Variants in ENTREP2 observed in about 807,000 individuals in gnomAD.
The protein encoded by ENTREP2 is protein ENTREP2.
the ENTREP2 span, among the ~76,000 whole-genome samples, chr15:29,300,631 C>T: frequency 6.6e-6 from 1 of 152,178 alleles, no homozygotes; most frequent in Non-Finnish European, 1.5e-5. Context: ...TGGAGTCTCG[C>T]TCTGTCAGCC....
At chr15:29,558,459 C>T in the ENTREP2 span, among the ~76,000 whole-genome samples, 2 of 151,608 alleles carry the variant, frequency 1.3e-5, no homozygotes, top group Admixed American at 1.3e-4. Flanking sequence ...ACATGCCCGC[C>T]CTCTTCACGA....
At chr15:29,198,958 T>C in the ENTREP2 span, among the ~76,000 whole-genome samples, 1 of 152,268 alleles carries the variant, frequency 6.6e-6, no homozygotes, top group African/African-American at 2.4e-5. Context: ...GTATATTACA[T>C]TGTGTGAATA....
At chr15:29,310,451 G>A in the ENTREP2 span, among the ~76,000 whole-genome samples, 1 of 152,212 alleles carries the variant, frequency 6.6e-6, no homozygotes, top group Non-Finnish European at 1.5e-5. Flanking sequence ...TCCTCAGAGG[G>A]AAGAGCAAGA....
At chr15:29,196,561 T>G in the ENTREP2 span, 2 of 1,550,156 alleles carry the variant, frequency 1.3e-6, no homozygotes, top group Non-Finnish European at 1.7e-6. Flanking sequence ...CTGTCAAACT[T>G]AATCTAGACA....
the ENTREP2 span, among the ~76,000 whole-genome samples, chr15:29,600,845 A>T: frequency 6.6e-6 from 1 of 151,702 alleles, no homozygotes; most frequent in Non-Finnish European, 1.5e-5. Context: ...TCACCATGCA[A>T]TCTGAAACCA....
At chr15:29,129,978 C>A in the ENTREP2 span, among the ~76,000 whole-genome samples, 1 of 152,176 alleles carries the variant, frequency 6.6e-6, no homozygotes, top group East Asian at 1.9e-4. Flanking sequence ...GGGGCTCCTG[C>A]GACTTGCTCT....
At chr15:29,432,618 CGGCTGCAGCTGGTGACTCA>C in the ENTREP2 span, among the ~76,000 whole-genome samples, 1 of 152,184 alleles carries the variant, frequency 6.6e-6, no homozygotes, top group East Asian at 1.9e-4. Context: ...TGGGGGAATC[CGGCTGCAGCTGGTGACTCA>C]GGCTGCAGGA....
chr15:29,318,994 C>T, the ENTREP2 span, among the ~76,000 whole-genome samples: 32 of 152,136 alleles, frequency 2.1e-4, no homozygotes, highest in African/African-American at 7.7e-4. Flanking sequence ...AAATTAAAAG[C>T]AACGATTAAC....
the ENTREP2 span, among the ~76,000 whole-genome samples, chr15:29,316,174 A>G: frequency 6.6e-6 from 1 of 152,338 alleles, no homozygotes; most frequent in Non-Finnish European, 1.5e-5. Flanking sequence ...GCAAAATGAA[A>G]TAAGTGAACC....
the ENTREP2 span, among the ~76,000 whole-genome samples, chr15:29,657,023 G>A: frequency 3.9e-5 from 6 of 152,132 alleles, no homozygotes; most frequent in Non-Finnish European, 7.4e-5. Flanking sequence ...CTTCAAGAAC[G>A]AAGCCGGGCC....
the ENTREP2 span, among the ~76,000 whole-genome samples, chr15:29,304,345 C>T: frequency 0.16 from 24,747 of 152,174 alleles, 3,382 homozygotes; most frequent in African/African-American, 0.38. Flanking sequence ...GTACATTCTT[C>T]TCATCTGCAC....
chr15:29,243,177 C>A, the ENTREP2 span, among the ~76,000 whole-genome samples: 1 of 152,160 alleles, frequency 6.6e-6, no homozygotes, highest in African/African-American at 2.4e-5. Flanking sequence ...ACATTTTGAT[C>A]ACAACAAGCT....
the ENTREP2 span, among the ~76,000 whole-genome samples, chr15:29,216,476 G>A: frequency 6.6e-6 from 1 of 152,126 alleles, no homozygotes; most frequent in African/African-American, 2.4e-5. Context: ...GATTTCCCAG[G>A]TGTTCTTTGT....
At chr15:29,375,534 G>A in the ENTREP2 span, 1 of 152,222 alleles carries the variant, frequency 6.6e-6, no homozygotes, top group South Asian at 2.1e-4. Flanking sequence ...CCTGTGCTGT[G>A]GCCTAGAAAC....
the ENTREP2 span, among the ~76,000 whole-genome samples, chr15:29,458,718 G>A: frequency 2.6e-5 from 4 of 152,282 alleles, no homozygotes; most frequent in Non-Finnish European, 4.4e-5. Context: ...ATATGAAAAA[G>A]GAGGATTCTC....
chr15:29,495,818 A>T, the ENTREP2 span, among the ~76,000 whole-genome samples: 23 of 152,122 alleles, frequency 1.5e-4, 1 homozygote, highest in South Asian at 1.9e-3. Context: ...ATAGCTTTGT[A>T]ATATAATTTA....
the ENTREP2 span, among the ~76,000 whole-genome samples, chr15:29,324,767 T>C: frequency 6.6e-6 from 1 of 152,112 alleles, no homozygotes; most frequent in South Asian, 2.1e-4. Context: ...AGGCAAAAAC[T>C]GACAGAACTG....
the ENTREP2 span, among the ~76,000 whole-genome samples, chr15:29,326,001 T>C: frequency 6.6e-6 from 1 of 152,190 alleles, no homozygotes; most frequent in East Asian, 1.9e-4. Flanking sequence ...ATCACATCAA[T>C]TGATGCAGAA....
chr15:29,624,333 G>GCA, the ENTREP2 span, among the ~76,000 whole-genome samples: 2,139 of 151,102 alleles, frequency 0.014, 39 homozygotes, highest in African/African-American at 0.045. Context: ...ATGCACGTGC[G>GCA]CACACACACA....
Sources: allele counts gnomAD v4.1 joint callset (sites outside exome capture counted in the v4.1 genomes callset), GRCh38; gene constraint gnomAD v4.1.1; transcripts MANE v1.5; gene names NCBI Gene and HGNC (gene_info 2026-07-23, HGNC 2026-07-21).